Variants in GATB observed in about 807,000 individuals in gnomAD.
GATB encodes glutamyl-tRNA(Gln) amidotransferase subunit B, mitochondrial.
In GATB, 39 loss-of-function variants were observed where a neutral mutation model predicts 62.3. That is an observed-to-expected ratio of 0.63 (90% CI 0.48 to 0.82). The LOEUF is 0.82. Ranked by LOEUF, GATB falls within the 40% of genes least tolerant of loss-of-function variation. The pLI, the probability that GATB is intolerant of heterozygous loss-of-function variation, is 0.00. For synonymous variants in GATB, 276 were observed against 258.9 expected (o/e 1.07, Z -0.63); for missense variants, 670 against 684.0 (o/e 0.98, Z 0.23).
intron 2 of GATB, among the ~76,000 whole-genome samples, chr4:151,729,282 G>A (rs1013893130): frequency 6.6e-6 from 1 of 152,050 alleles, no homozygotes; most frequent in African/African-American, 2.4e-5. Flanking sequence ...TCAATGTCAT[G>A]AAGAAAGGAA....
At chr4:151,758,994 C>T (rs1739896675) in intron 1 of GATB, 72 bp from the exon 2 acceptor site, 2 of 1,074,368 alleles carry the variant, frequency 1.9e-6, no homozygotes, top group Non-Finnish European at 2.7e-6. Context: ...AAGTCTAAAC[C>T]ACAAATGTTA....
At position 151,760,952 on chromosome 4, in the gene GATB, G is replaced by T. The variant is rs372266285; in HGVS notation, c.31C>A (p.Arg11Ser). 1 of 1,613,016 alleles carries T rather than the reference G, an allele frequency of 6.2e-7. No individual in the cohort carries two copies. The highest frequency in any genetic ancestry group is 8.5e-7 in the Non-Finnish European group (1 of 1,179,794). The change falls in exon 1 of 13, where the codon CGT (arginine) becomes AGT (serine). Residue 11 changes from arginine (R) to serine (S), a missense_variant. Arg to Ser is a moderately radical substitution (Grantham distance 110). Transcript: ENST00000263985. MAAPMLRWGC[R>S]GRRWAFARVD... ...CGGGCGAAAGCCCAACGTCTTCCAC[G>T]GCAGCCCCAGCGCAGCATGGGCGCC...
intron 6 of GATB, among the ~76,000 whole-genome samples, chr4:151,706,750 A>G (rs1366533911): frequency 6.6e-6 from 1 of 152,176 alleles, no homozygotes; most frequent in Non-Finnish European, 1.5e-5. Flanking sequence ...ACTGTTTCTA[A>G]TACTTTTCTT....
intron 5 of GATB, among the ~76,000 whole-genome samples, chr4:151,714,522 G>T (rs2126976415): frequency 6.6e-6 from 1 of 152,326 alleles, no homozygotes; most frequent in East Asian, 1.9e-4. Context: ...GTATTTAAAA[G>T]AAACAAAAAG....
At chr4:151,713,511 T>C (rs755994147) in intron 5 of GATB, among the ~76,000 whole-genome samples, 20 of 152,222 alleles carry the variant, frequency 1.3e-4, no homozygotes, top group Non-Finnish European at 2.6e-4. Flanking sequence ...CTGCTGCAAC[T>C]CCATCAGCTC....
chr4:151,697,839 G>A (rs1272525346), intron 9 of GATB, among the ~76,000 whole-genome samples: 1 of 148,704 alleles, frequency 6.7e-6, no homozygotes, highest in Admixed American at 6.7e-5. Context: ...GGCGGAGCTT[G>A]CAGTGAGCCA....
chr4:151,746,084 T>C (rs940159997), intron 2 of GATB, among the ~76,000 whole-genome samples: 4 of 152,336 alleles, frequency 2.6e-5, no homozygotes, highest in African/African-American at 9.6e-5. Context: ...TGTGCCACAC[T>C]GAGCATTCCT....
At chr4:151,747,316 C>T (rs1423445984) in intron 2 of GATB, among the ~76,000 whole-genome samples, 1 of 152,162 alleles carries the variant, frequency 6.6e-6, no homozygotes, top group Non-Finnish European at 1.5e-5. Context: ...GTTAGAAAAC[C>T]TTTTGCCACC....
intron 2 of GATB, among the ~76,000 whole-genome samples, chr4:151,726,065 AATTAC>A (rs1247294562): frequency 2.0e-5 from 3 of 152,240 alleles, no homozygotes; most frequent in Non-Finnish European, 4.4e-5. Flanking sequence ...CCCACATGGC[AATTAC>A]TCTGTGAAAC....
chr4:151,750,073 G>C (rs1395293130), intron 2 of GATB, among the ~76,000 whole-genome samples: 1 of 152,078 alleles, frequency 6.6e-6, no homozygotes, highest in Non-Finnish European at 1.5e-5. Flanking sequence ...AGTAGAGACA[G>C]GGTTTCACCG....
At chr4:151,698,743 T>C (rs539779487) in intron 9 of GATB, among the ~76,000 whole-genome samples, 15 of 152,256 alleles carry the variant, frequency 9.9e-5, no homozygotes, top group Non-Finnish European at 1.6e-4. Context: ...ATCTCACTCA[T>C]CTTGGAAATT....
At chr4:151,685,665 C>T (rs1252237529) in intron 10 of GATB, among the ~76,000 whole-genome samples, 2 of 152,226 alleles carry the variant, frequency 1.3e-5, no homozygotes, top group African/African-American at 2.4e-5. Context: ...ATAAACTCTT[C>T]AGCACGGCTC....
Position 151,719,549 on chromosome 4 carries a change from A to G in GATB, c.328-11T>C. 1 of 1,563,608 alleles carries G rather than the reference A, an allele frequency of 6.4e-7. No individual in the cohort carries two copies. The highest frequency in any genetic ancestry group is 8.7e-7 in the Non-Finnish European group (1 of 1,145,514). On this transcript the variant is annotated splice_polypyrimidine_tract_variant and intron_variant, in intron 2 of 12. Transcript: ENST00000263985. ...CCTCCTGTTGAGAACCTATGGGAAC[A>G]CAACACACAGTTCCTCTCAGAACCG... is the stretch of plus-strand genomic sequence containing the variant.
chr4:151,695,240 A>G (rs1044147221), intron 9 of GATB, among the ~76,000 whole-genome samples: 1 of 152,000 alleles, frequency 6.6e-6, no homozygotes, highest in East Asian at 1.9e-4. Context: ...CTGCTTGGCT[A>G]TATTTAGGCT....
intron 9 of GATB, 85 bp downstream of exon 9, chr4:151,701,244 T>C: frequency 1.1e-5 from 12 of 1,128,296 alleles, no homozygotes; most frequent in East Asian, 2.7e-5. Flanking sequence ...TCAGAGCCCA[T>C]GGCAGCCTGT....
At chr4:151,714,466 GAAC>G (rs1375386971) in intron 5 of GATB, among the ~76,000 whole-genome samples, 2 of 152,240 alleles carry the variant, frequency 1.3e-5, no homozygotes, top group African/African-American at 4.8e-5. Context: ...CGGAACTTTA[GAAC>G]AACCAAAGCT....
At chr4:151,749,908 A>G (rs2126997817) in intron 2 of GATB, among the ~76,000 whole-genome samples, 1 of 151,882 alleles carries the variant, frequency 6.6e-6, no homozygotes, top group Middle Eastern at 3.4e-3. Context: ...TTTGAGACAG[A>G]GTCTGGCTCT....
intron 10 of GATB, chr4:151,686,994 TCTTAG>T (rs1738264544): frequency 6.6e-6 from 1 of 152,470 alleles, no homozygotes; most frequent in South Asian, 2.1e-4. Context: ...TCTCCTCAGG[TCTTAG>T]CTTAGCTGCT....
chr4:151,686,639 C>G (rs996275455), intron 10 of GATB, among the ~76,000 whole-genome samples: 1 of 97,742 alleles, frequency 1.0e-5, no homozygotes, highest in African/African-American at 6.5e-5. Flanking sequence ...TCTGTGTCAC[C>G]AGTCCCCGCC....
Sources: gnomAD v4.1 joint callset for allele counts (sites outside exome capture counted in the v4.1 genomes callset) on GRCh38, gnomAD v4.1.1 for gene constraint, MANE v1.5 for transcripts, NCBI Gene and HGNC (gene_info 2026-07-23, HGNC 2026-07-21) for gene names.